FOXN2: variants seen among roughly 807,000 people sequenced by gnomAD.
The protein encoded by FOXN2 is forkhead box protein N2.
In FOXN2, 19 loss-of-function variants were observed where a neutral mutation model predicts 41.2. The observed-to-expected ratio is 0.46, with a 90% CI of 0.32 to 0.68. The LOEUF is 0.68. FOXN2 is among the 30% of genes least tolerant of loss of function. The pLI is 0.03. For synonymous variants in FOXN2, 195 were observed against 176.8 expected, an observed-to-expected ratio of 1.10 and a Z score of -0.82; for missense variants, 587 against 509.4, an observed-to-expected ratio of 1.15 and a Z score of -1.47.
At chr2:48,336,738 T>G (rs1432548376) in intron 2 of FOXN2, among the ~76,000 whole-genome samples, 1 of 152,034 alleles carries the variant, frequency 6.6e-6, no homozygotes, top group Non-Finnish European at 1.5e-5. Flanking sequence ...ATATGGGGTT[T>G]AGGATAGAGA....
Position 48,346,746 on chromosome 2 carries a change from G to T in FOXN2, c.532G>T (p.Gly178Cys), listed in dbSNP as rs1375807096. The T allele has an allele frequency of 1.3e-6, 2 of 1,582,632 alleles. No individual in the cohort carries two copies. Among genetic ancestry groups the T allele is most frequent in the South Asian group, 2.3e-5 (2 of 85,852 alleles). ...KCFQKVERSH[G>C]KVNGKGSLWC... ...TTTTCAGAAAGTGGAAAGAAGCCAT[G>T]GCAAGGTCAGTGTTTATGAACATTG... is the stretch of plus-strand genomic sequence containing the variant. The change falls in exon 3 of 7, where the codon GGC (glycine) becomes TGC (cysteine). Residue 178 changes from glycine (G) to cysteine (C), a missense_variant. Physicochemically the swap from Gly to Cys is radical, Grantham distance 159. Transcript: ENST00000340553.
Position 48,378,632 on chromosome 2 carries a change from A to G in FOXN2, c.*3189A>G, listed in dbSNP as rs946881361. On this transcript the variant is annotated 3_prime_UTR_variant, in exon 7 of 7. Coordinates refer to ENST00000340553, the MANE Select transcript of FOXN2 (RefSeq NM_002158.4). ...CCCTTTTGTGAAGATCACAGCATTT[A>G]TCTAAGAAACTGTGAGGCTTTCTGG... 9 of 152,102 alleles carry G rather than the reference A, an allele frequency of 5.9e-5. No homozygotes were observed. Among genetic ancestry groups the G allele is most frequent in the African/African-American group, 2.2e-4 (9 of 41,352 alleles). The allele number at this position is 152,102 out of a possible 1,614,324, so 9.4% of individuals were successfully genotyped here.
intron 1 of FOXN2, among the ~76,000 whole-genome samples, chr2:48,326,394 T>G (rs1399106448): frequency 2.6e-5 from 4 of 152,200 alleles, no homozygotes; most frequent in African/African-American, 9.7e-5. Flanking sequence ...TTAAGGATTT[T>G]GACCTAAGGG....
chr2:48,337,007 A>G (rs1407138610), intron 2 of FOXN2, among the ~76,000 whole-genome samples: 1 of 151,772 alleles, frequency 6.6e-6, no homozygotes, highest in Non-Finnish European at 1.5e-5. Flanking sequence ...ATAAGTTATT[A>G]TTGACTATAG....
At chr2:48,325,688 G>T (rs1669615616) in intron 1 of FOXN2, among the ~76,000 whole-genome samples, 1 of 152,066 alleles carries the variant, frequency 6.6e-6, no homozygotes. Context: ...CAGACAACTA[G>T]CTCTGCCCTT....
Position 48,314,824 on chromosome 2 carries a change from G to C in FOXN2, c.-157+10G>C, listed in dbSNP as rs1052134960. ...CCCGGCCGAGCTGACGGTGAGTCCC[G>C]GGCGGAGCGGTCCCCTCCAGGGTCG... On this transcript the variant is annotated intron_variant, in intron 1 of 6. Coordinates refer to ENST00000340553, the MANE Select transcript of FOXN2 (RefSeq NM_002158.4). 1 of 152,036 alleles carries C rather than the reference G, an allele frequency of 6.6e-6. No homozygotes were observed. The highest frequency in any genetic ancestry group is 1.9e-4 in the East Asian group (1 of 5,170). The allele number at this position is 152,036 out of a possible 1,614,324, so 9.4% of individuals were successfully genotyped here.
At chr2:48,358,115 G>T (rs748389118) in intron 3 of FOXN2, among the ~76,000 whole-genome samples, 3 of 147,230 alleles carry the variant, frequency 2.0e-5, no homozygotes, top group Non-Finnish European at 4.5e-5. Flanking sequence ...ATTTTATCCC[G>T]TTTTTTTTTA....
chr2:48,336,223 G>T (rs1670340283), intron 2 of FOXN2, among the ~76,000 whole-genome samples: 1 of 151,150 alleles, frequency 6.6e-6, no homozygotes. Flanking sequence ...GGCCAACATG[G>T]TGAAACCCAG....
intron 1 of FOXN2, among the ~76,000 whole-genome samples, chr2:48,322,002 A>G (rs1260773378): frequency 6.6e-6 from 1 of 152,192 alleles, no homozygotes; most frequent in Non-Finnish European, 1.5e-5. Flanking sequence ...AGCCTGGAGC[A>G]CAGTGGCGTG....
At chr2:48,327,981 A>G (rs996888442) in intron 1 of FOXN2, among the ~76,000 whole-genome samples, 2 of 152,188 alleles carry the variant, frequency 1.3e-5, no homozygotes, top group African/African-American at 4.8e-5. Context: ...TTAGTAAGGT[A>G]TCATTGTCTG....
At chr2:48,316,845 G>A (rs935133845) in intron 1 of FOXN2, among the ~76,000 whole-genome samples, 2 of 152,100 alleles carry the variant, frequency 1.3e-5, no homozygotes, top group African/African-American at 4.8e-5. Context: ...TTAAACCACA[G>A]GAACCATTTA....
rs148399688 is a variant in FOXN2 at position 48,375,712 on chromosome 2, C to T, written c.*269C>T. 628 of 291,460 alleles carry T rather than the reference C, an allele frequency of 2.2e-3. 5 individuals are homozygous for T. Among genetic ancestry groups the T allele is most frequent in the African/African-American group, 0.013 (580 of 46,398 alleles). 18.1% of individuals were successfully genotyped at this position (291,460 alleles called of 1,614,324 possible). Reference sequence around the variant, plus strand: ...GAAAATTTTTATATAAGAAAATCCCCAGCCTCTGTCTTAAACTTGTGGGAC... The same window carrying T: ...GAAAATTTTTATATAAGAAAATCCCTAGCCTCTGTCTTAAACTTGTGGGAC... On this transcript the variant is annotated 3_prime_UTR_variant, in exon 7 of 7. Coordinates refer to ENST00000340553, the MANE Select transcript of FOXN2 (RefSeq NM_002158.4).
intron 1 of FOXN2, among the ~76,000 whole-genome samples, chr2:48,319,866 A>G (rs1669182014): frequency 7.0e-6 from 1 of 143,256 alleles, no homozygotes; most frequent in Non-Finnish European, 1.5e-5. Flanking sequence ...TCCTGGGCTC[A>G]AGGGATCCTC....
At chr2:48,364,268 C>T (rs572491169) in intron 5 of FOXN2, among the ~76,000 whole-genome samples, 3 of 152,158 alleles carry the variant, frequency 2.0e-5, no homozygotes, top group African/African-American at 7.2e-5. Flanking sequence ...CACTCTGTCA[C>T]CCAGGCCAGA....
chr2:48,341,940 A>G (rs1287833316), intron 2 of FOXN2, among the ~76,000 whole-genome samples: 1 of 152,220 alleles, frequency 6.6e-6, no homozygotes, highest in East Asian at 1.9e-4. Context: ...AGAATATAAG[A>G]GGTGGCTTCT....
chr2:48,370,851 A>G (rs1672844801), intron 5 of FOXN2, among the ~76,000 whole-genome samples: 1 of 152,084 alleles, frequency 6.6e-6, no homozygotes, highest in Non-Finnish European at 1.5e-5. Context: ...TTGAGGTCTC[A>G]TTCATAAAAT....
At chr2:48,327,873 G>A (rs200216477) in intron 1 of FOXN2, among the ~76,000 whole-genome samples, 6 of 152,078 alleles carry the variant, frequency 3.9e-5, no homozygotes, top group Non-Finnish European at 7.4e-5. Flanking sequence ...TTGTATTTTT[G>A]TTTTGTTTTT....
chr2:48,322,827 A>G (rs1034828512), intron 1 of FOXN2, among the ~76,000 whole-genome samples: 3 of 149,442 alleles, frequency 2.0e-5, no homozygotes, highest in African/African-American at 7.3e-5. Flanking sequence ...TTACTTTGAA[A>G]TAGGAGTTCA....
At chr2:48,328,878 A>G (rs1669853903) in intron 2 of FOXN2, among the ~76,000 whole-genome samples, 176 bp downstream of exon 2, 2 of 152,002 alleles carry the variant, frequency 1.3e-5, no homozygotes, top group South Asian at 2.1e-4. Context: ...GTTCTTTTCT[A>G]TTGTATTTAG....
Sources: gnomAD v4.1 joint callset for allele counts (sites outside exome capture counted in the v4.1 genomes callset) on GRCh38, gnomAD v4.1.1 for gene constraint, MANE v1.5 for transcripts, NCBI Gene and HGNC (gene_info 2026-07-23, HGNC 2026-07-21) for gene names.